Variants in PARD3B observed in about 807,000 individuals in gnomAD.
The protein encoded by PARD3B is par-3 family cell polarity regulator beta.
In PARD3B, 103 loss-of-function variants were observed where a neutral mutation model predicts 130.2. The ratio of observed to expected loss-of-function variants is 0.79; its 90% CI spans 0.67 to 0.93. The LOEUF is 0.93. PARD3B is among the 40% of genes least tolerant of loss of function. PARD3B has a pLI of 0.00. For synonymous variants in PARD3B, 583 were observed against 553.2 expected (o/e 1.05, Z -0.76); for missense variants, 1,609 against 1,499.2 (o/e 1.07, Z -1.21).
Position 205,292,299 on chromosome 2 carries a change from A to C in PARD3B, c.2186-8231A>C, listed in dbSNP as rs1435934393. 1.3e-5 allele frequency among the ~76,000 whole-genome samples: 2 copies of C among 152,078 alleles called. No individual in the cohort carries two copies. The highest frequency in any genetic ancestry group is 4.8e-5 in the African/African-American group (2 of 41,400). ...AGAGAGTTCCCTTGACCCTTCCACC[A>C]TGTGAGGACACAATGAGAACACAGG... On this transcript the variant is annotated intron_variant, in intron 16 of 22. Coordinates refer to ENST00000406610, the MANE Select transcript of PARD3B (RefSeq NM_001302769.2). The surrounding 1 kb of genome is among the most constrained non-coding windows in gnomAD (Gnocchi z 5.3).
intron 2 of PARD3B, among the ~76,000 whole-genome samples, chr2:204,809,037 G>T (rs970397882): frequency 6.6e-6 from 1 of 152,092 alleles, no homozygotes; most frequent in Non-Finnish European, 1.5e-5. Flanking sequence ...GAGTGATGAT[G>T]AGCTTTTTTT....
intron 22 of PARD3B, among the ~76,000 whole-genome samples, chr2:205,583,407 G>GCGCA (rs1381966690): frequency 1.5e-3 from 137 of 93,396 alleles, no homozygotes; most frequent in African/African-American, 4.6e-3. Flanking sequence ...GTGTGCGCGC[G>GCGCA]CACGCGCGTG....
intron 18 of PARD3B, among the ~76,000 whole-genome samples, chr2:205,355,422 T>C (rs1470433618): frequency 6.6e-6 from 1 of 152,326 alleles, no homozygotes; most frequent in Admixed American, 6.5e-5. Context: ...GCAAAAATGA[T>C]AAGGCCAAAA....
intron 18 of PARD3B, among the ~76,000 whole-genome samples, chr2:205,394,379 C>T (rs994786446): frequency 2.0e-5 from 3 of 151,984 alleles, no homozygotes; most frequent in Non-Finnish European, 4.4e-5. Context: ...AATTAAATGC[C>T]CTGGAATTCC....
intron 3 of PARD3B, among the ~76,000 whole-genome samples, chr2:205,039,978 T>G (rs1045185999): frequency 6.6e-6 from 1 of 152,118 alleles, no homozygotes; most frequent in African/African-American, 2.4e-5. Flanking sequence ...GTTTGTTTGT[T>G]TTTGAGACAG....
chr2:204,693,003 C>A (rs377396216), intron 2 of PARD3B, among the ~76,000 whole-genome samples: 4 of 152,116 alleles, frequency 2.6e-5, no homozygotes, highest in Admixed American at 2.0e-4. Context: ...ACATCTCATG[C>A]AGATCAAAAC....
chr2:205,569,657 G>A (rs2053491379), intron 22 of PARD3B, among the ~76,000 whole-genome samples: 1 of 152,190 alleles, frequency 6.6e-6, no homozygotes. Context: ...ATTGGCACAT[G>A]TCAACCAGAA....
intron 2 of PARD3B, among the ~76,000 whole-genome samples, chr2:204,901,673 T>C (rs1292482481): frequency 6.6e-6 from 1 of 151,786 alleles, no homozygotes; most frequent in Non-Finnish European, 1.5e-5. Context: ...AGTCTCTTGC[T>C]GTAGCCATCA....
chr2:205,172,345 G>T lies in PARD3B; in HGVS notation c.1755G>T (p.Gln585His). The T allele has an allele frequency of 1.2e-6, 2 of 1,614,116 alleles. No individual in the cohort carries two copies. The highest frequency in any genetic ancestry group is 2.2e-5 in the East Asian group (1 of 44,874). Residue 585 changes from glutamine to histidine, a missense_variant, in exon 12 of 23, where the codon CAG (glutamine) becomes CAT (histidine). Coordinates refer to ENST00000406610, the MANE Select transcript of PARD3B (RefSeq NM_001302769.2). ...AGGGAAACATCCGAGGGATGATCCAGTTGGTGATTCTGAGGAGGCCAGAGA... is the reference window on the plus strand; with the variant it reads ...AGGGAAACATCCGAGGGATGATCCATTTGGTGATTCTGAGGAGGCCAGAGA... ...SMEGNIRGMI[Q>H]LVILRRPERP...
In PARD3B at chr2:204,777,718, A is replaced by G. The variant is rs141052257; in HGVS notation, c.222+91436A>G. Among the ~76,000 whole-genome samples the G allele has an allele frequency of 2.3e-3, 351 of 152,304 alleles. 3 individuals carry two copies. In the East Asian group the frequency reaches 0.036, roughly 16 times the overall value. The stretch of plus-strand genomic sequence containing the variant: ...TGGGAGGTCAAGGCTGCAGTGAGCC[A>G]TGATTGCACCACTGAACTCCAGCCT... On this transcript the variant is annotated intron_variant, in intron 2 of 22. Coordinates refer to ENST00000406610, the MANE Select transcript of PARD3B (RefSeq NM_001302769.2).
At position 205,253,354 on chromosome 2, in the gene PARD3B, A is replaced by G; in HGVS notation, c.2185+7532A>G. Reference sequence around the variant, plus strand: ...ATGGAACCGATGGAACTGATGGAGGAAATGCTGGGACTGTGGGTCAGTGCT... The same window carrying G: ...ATGGAACCGATGGAACTGATGGAGGGAATGCTGGGACTGTGGGTCAGTGCT... On this transcript the variant is annotated intron_variant, in intron 16 of 22. Transcript: ENST00000406610. This position sits in a 1 kb window ranked among gnomAD's most constrained non-coding sequence, Gnocchi z 4.4. 1.8e-6 allele frequency: 1 copy of G among 557,412 alleles called. No individual in the cohort carries two copies. Among genetic ancestry groups the G allele is most frequent in the South Asian group, 1.4e-5 (1 of 71,064 alleles). 34.5% of individuals were successfully genotyped at this position (557,412 alleles called of 1,614,324 possible). A position where few individuals can be genotyped will look rare whatever the true frequency, so the allele number is the denominator to read the frequency against.
intron 11 of PARD3B, among the ~76,000 whole-genome samples, chr2:205,165,689 G>A (rs1277868083): frequency 6.6e-6 from 1 of 151,484 alleles, no homozygotes; most frequent in East Asian, 1.9e-4. Context: ...CTGCACTCCA[G>A]CCGGAGCAAC....
At chr2:204,917,807 T>A (rs1276669778) in intron 2 of PARD3B, among the ~76,000 whole-genome samples, 9 of 152,174 alleles carry the variant, frequency 5.9e-5, no homozygotes, top group Non-Finnish European at 1.3e-4. Flanking sequence ...GCTATTGGGG[T>A]TATTGTTATA....
intron 3 of PARD3B, among the ~76,000 whole-genome samples, chr2:205,004,439 C>T (rs1695092548): frequency 6.6e-6 from 1 of 152,120 alleles, no homozygotes; most frequent in Admixed American, 6.5e-5. Context: ...TTTATCATTT[C>T]AATTCAGGCC....
At chr2:205,447,210 C>G (rs895446464) in intron 20 of PARD3B, among the ~76,000 whole-genome samples, 15 of 152,076 alleles carry the variant, frequency 9.9e-5, no homozygotes, top group Non-Finnish European at 1.5e-5. Flanking sequence ...TATTTTCTTC[C>G]TCCCTCAAAT....
chr2:205,012,844 A>C (rs1322839328), intron 3 of PARD3B, among the ~76,000 whole-genome samples: 6 of 152,244 alleles, frequency 3.9e-5, no homozygotes, highest in Non-Finnish European at 5.9e-5. Context: ...AAACCACTAA[A>C]GTCCTTCTGT....
intron 2 of PARD3B, among the ~76,000 whole-genome samples, chr2:204,846,744 C>G (rs1023154469): frequency 1.3e-5 from 2 of 150,992 alleles, no homozygotes; most frequent in African/African-American, 4.9e-5. Context: ...CTTCTTCGTA[C>G]AGATGACACA....
Position 204,914,758 on chromosome 2 carries a change from G to A in PARD3B, c.223-50394G>A, listed in dbSNP as rs1447442704. On this transcript the variant is annotated intron_variant, in intron 2 of 22. Coordinates refer to ENST00000406610, the MANE Select transcript of PARD3B (RefSeq NM_001302769.2). ...AGAAAAGAAATAAAGGGAGGTTTGA[G>A]GGCAGACAGTGGGGCAGGGAATGAA... 2.6e-5 allele frequency among the ~76,000 whole-genome samples: 4 copies of A among 152,190 alleles called. No homozygotes were observed. The East Asian group carries it at 5.8e-4, about 22-fold the overall frequency.
At chr2:205,396,985 G>C (rs2046054054) in intron 18 of PARD3B, among the ~76,000 whole-genome samples, 2 of 151,882 alleles carry the variant, frequency 1.3e-5, no homozygotes, top group Admixed American at 1.3e-4. Context: ...ACAAAGGCTT[G>C]GAAAGTCACC....
Sources: allele counts gnomAD v4.1 joint callset (sites outside exome capture counted in the v4.1 genomes callset), GRCh38; gene constraint gnomAD v4.1.1; non-coding constraint Gnocchi (gnomAD v3.1); transcripts MANE v1.5; gene names NCBI Gene and HGNC (gene_info 2026-07-23, HGNC 2026-07-21).